The following HCN1 variants were observed in gnomAD, a reference collection of about 807,000 sequenced individuals.
HCN1 encodes hyperpolarization activated cyclic nucleotide gated potassium channel 1.
In HCN1, 13 loss-of-function variants were observed where a neutral mutation model predicts 78.9. The observed-to-expected ratio is 0.16, with a 90% CI of 0.11 to 0.26. The LOEUF (loss-of-function observed/expected upper bound fraction) is 0.26. Ranked by LOEUF, HCN1 falls within the 10% of genes least tolerant of loss-of-function variation. The probability of loss-of-function intolerance (pLI) is 1.00; values close to 1 mark genes in which losing one functional copy is unlikely to be tolerated. For synonymous variants in HCN1, 552 were observed against 455.5 expected, an observed-to-expected ratio of 1.21 and a Z score of -2.70; for missense variants, 810 against 1,154.3, an observed-to-expected ratio of 0.70 and a Z score of 4.32.
chr5:45,365,291 C>T (rs1021640977), intron 4 of HCN1, among the ~76,000 whole-genome samples: 1 of 151,792 alleles, frequency 6.6e-6, no homozygotes, highest in African/African-American at 2.4e-5. Context: ...GTACCCATCA[C>T]GAAACTATTG....
intron 2 of HCN1, among the ~76,000 whole-genome samples, chr5:45,497,160 G>GAA (rs891788609): frequency 1.3e-5 from 2 of 152,064 alleles, no homozygotes; most frequent in African/African-American, 2.4e-5. Context: ...GTGTGGTGCT[G>GAA]AAAAAAATGT....
chr5:45,400,673 C>T (rs1739775855), intron 3 of HCN1, among the ~76,000 whole-genome samples: 1 of 152,044 alleles, frequency 6.6e-6, no homozygotes, highest in Non-Finnish European at 1.5e-5. Flanking sequence ...TCCTAAAGTG[C>T]TGGGATTACA....
intron 5 of HCN1, among the ~76,000 whole-genome samples, chr5:45,341,033 T>C (rs968665909): frequency 2.0e-5 from 3 of 152,216 alleles, no homozygotes; most frequent in African/African-American, 7.2e-5. Flanking sequence ...CCTTAACTTC[T>C]TGGAATATAT....
chr5:45,524,549 G>A (rs979816600), intron 2 of HCN1, among the ~76,000 whole-genome samples: 20 of 152,096 alleles, frequency 1.3e-4, no homozygotes, highest in Non-Finnish European at 2.1e-4. Context: ...GTGGTTTGTA[G>A]TTCTCCTTGA....
chr5:45,481,970 AC>A (rs1402411530), intron 2 of HCN1, among the ~76,000 whole-genome samples: 3 of 113,326 alleles, frequency 2.6e-5, no homozygotes, highest in African/African-American at 1.4e-4. Flanking sequence ...AGAAAAACAA[AC>A]AAAAAAAACA....
intron 2 of HCN1, chr5:45,644,364 G>A (rs1457589582): frequency 6.6e-6 from 1 of 152,036 alleles, no homozygotes; most frequent in Non-Finnish European, 1.5e-5. Context: ...AAGTCAAAAT[G>A]GTTAATATTC....
At chr5:45,682,443 C>G (rs948561765) in intron 1 of HCN1, among the ~76,000 whole-genome samples, 1 of 151,224 alleles carries the variant, frequency 6.6e-6, no homozygotes, top group Non-Finnish European at 1.5e-5. Flanking sequence ...ATTAAATGTC[C>G]ACACTAAATT....
At chr5:45,475,927 CAG>C (rs1431006161) in intron 2 of HCN1, among the ~76,000 whole-genome samples, 1 of 152,080 alleles carries the variant, frequency 6.6e-6, no homozygotes, top group African/African-American at 2.4e-5. Flanking sequence ...CTAAAAGACA[CAG>C]ATATATCCAA....
chr5:45,372,020 TATATA>T (rs1747383829), intron 4 of HCN1, among the ~76,000 whole-genome samples: 3 of 74,004 alleles, frequency 4.1e-5, no homozygotes, highest in Non-Finnish European at 6.9e-5. Context: ...TCATATAATA[TATATA>T]ATATAATTAT....
intron 3 of HCN1, among the ~76,000 whole-genome samples, chr5:45,413,244 C>T (rs1482621446): frequency 3.3e-5 from 5 of 151,806 alleles, no homozygotes; most frequent in African/African-American, 1.2e-4. Context: ...AATGTGAGAT[C>T]CAAGCAAAGG....
At chr5:45,518,362 A>T (rs908447976) in intron 2 of HCN1, among the ~76,000 whole-genome samples, 1 of 151,910 alleles carries the variant, frequency 6.6e-6, no homozygotes, top group African/African-American at 2.4e-5. Flanking sequence ...CAGTCTCCCC[A>T]CATTGTTCAA....
chr5:45,691,274 T>C (rs897922817), intron 1 of HCN1, among the ~76,000 whole-genome samples: 6 of 152,090 alleles, frequency 3.9e-5, no homozygotes, highest in East Asian at 1.9e-4. Flanking sequence ...TGTACCTCTT[T>C]ACTGATTCTC....
intron 2 of HCN1, among the ~76,000 whole-genome samples, chr5:45,583,393 G>A (rs1579982638): frequency 1.3e-5 from 2 of 152,072 alleles, no homozygotes; most frequent in African/African-American, 2.4e-5. Context: ...ATTTTTTATT[G>A]CATCTATTTG....
At position 45,281,218 on chromosome 5, in the gene HCN1, G is replaced by C. The variant is rs143608314; in HGVS notation, c.1619-13965C>G. On this transcript the variant is annotated intron_variant, in intron 6 of 7. Coordinates refer to ENST00000303230, the MANE Select transcript of HCN1 (RefSeq NM_021072.4). ...AAGAGGGGCCTGGTGGGAGGTAATTGGATCATGGGGGTGGATTTCCCCCTT... is the reference window on the plus strand; with the variant it reads ...AAGAGGGGCCTGGTGGGAGGTAATTCGATCATGGGGGTGGATTTCCCCCTT... 3.0e-3 allele frequency among the ~76,000 whole-genome samples: 461 copies of C among 152,058 alleles called. 1 individual carries two copies. The highest frequency in any genetic ancestry group is 5.5e-3 in the Non-Finnish European group (377 of 67,978).
Position 45,364,686 on chromosome 5 carries a change from G to A in HCN1, c.1231-11440C>T, listed in dbSNP as rs370008098. ...CACAAACTAACCATCTTGTCATTTG[G>A]GAGTTAATTTTTAATGCCACTTTCT... On this transcript the variant is annotated intron_variant, in intron 4 of 7. Coordinates refer to ENST00000303230, the MANE Select transcript of HCN1 (RefSeq NM_021072.4). Among the ~76,000 whole-genome samples the A allele has an allele frequency of 2.4e-4, 37 of 152,046 alleles. 1 individual carries two copies. Among genetic ancestry groups the A allele is most frequent in the African/African-American group, 8.9e-4 (37 of 41,508 alleles).
Position 45,626,309 on chromosome 5 carries a change from G to GAATATC in HCN1, c.849+18875_849+18876insGATATT, listed in dbSNP as rs1183608972. On this transcript the variant is annotated intron_variant, in intron 2 of 7. Coordinates refer to ENST00000303230, the MANE Select transcript of HCN1 (RefSeq NM_021072.4). ...ATTTAGACCACCTCTTCTGAATATT[G>GAATATC]ACGTGGAAATCACTGAAATACTACG... 2.0e-5 allele frequency among the ~76,000 whole-genome samples: 3 copies of GAATATC among 152,152 alleles called. No individual in the cohort carries two copies. The East Asian group carries it at 5.8e-4, about 29-fold the overall frequency.
At chr5:45,339,701 G>A (rs758077222) in intron 5 of HCN1, among the ~76,000 whole-genome samples, 42 of 152,104 alleles carry the variant, frequency 2.8e-4, no homozygotes, top group Non-Finnish European at 5.6e-4. Context: ...GAAAAGTTGT[G>A]ACAGATGTTG....
chr5:45,503,831 G>A (rs1742238624), intron 2 of HCN1, among the ~76,000 whole-genome samples: 1 of 151,118 alleles, frequency 6.6e-6, no homozygotes, highest in African/African-American at 2.4e-5. Context: ...TGTTGCCCAG[G>A]CTGGAATACT....
At chr5:45,391,437 A>G (rs1244709113) in intron 4 of HCN1, among the ~76,000 whole-genome samples, 1 of 152,170 alleles carries the variant, frequency 6.6e-6, no homozygotes, top group Non-Finnish European at 1.5e-5. Context: ...GCTATAAAAC[A>G]GGATGTAACT....
Sources: allele counts gnomAD v4.1 joint callset (sites outside exome capture counted in the v4.1 genomes callset), GRCh38; gene constraint gnomAD v4.1.1; transcripts MANE v1.5; gene names NCBI Gene and HGNC (gene_info 2026-07-23, HGNC 2026-07-21).